The following LACC1 variants were observed in gnomAD, a reference collection of about 807,000 sequenced individuals.
LACC1 encodes laccase domain multifunctional purine nucleosidase 1.
A neutral mutation model predicts 34.8 loss-of-function variants in LACC1; 25 were observed. The ratio of observed to expected loss-of-function variants is 0.72; its 90% CI spans 0.52 to 1.00. LACC1 has a LOEUF of 1.00. Among genes scored for constraint, LACC1 ranks in the 50% least tolerant of loss-of-function variants. LACC1 has a pLI of 0.00. For missense variants in LACC1, 426 were observed against 511.2 expected (o/e 0.83, Z 1.61); for synonymous variants, 162 against 168.0 (o/e 0.96, Z 0.28).
At chr13:43,880,582 A>G (rs1954962304) in intron 1 of LACC1, among the ~76,000 whole-genome samples, 1 of 152,224 alleles carries the variant, frequency 6.6e-6, no homozygotes, top group Non-Finnish European at 1.5e-5. Context: ...GAGACCTAAT[A>G]TGACAATCAT....
chr13:43,883,550 T>G (rs1272909391), intron 3 of LACC1, among the ~76,000 whole-genome samples: 1 of 147,726 alleles, frequency 6.8e-6, no homozygotes, highest in Non-Finnish European at 1.5e-5. Flanking sequence ...AAACTCTGCT[T>G]TTCTTTGCAT....
intron 3 of LACC1, among the ~76,000 whole-genome samples, chr13:43,883,351 A>C (rs1000256501): frequency 7.2e-5 from 11 of 152,342 alleles, no homozygotes; most frequent in Admixed American, 1.3e-4. Context: ...ATAGTTGATG[A>C]GATAATGTCT....
chr13:43,883,153 G>T (rs1955155000), intron 3 of LACC1, among the ~76,000 whole-genome samples: 1 of 152,164 alleles, frequency 6.6e-6, no homozygotes, highest in African/African-American at 2.4e-5. Flanking sequence ...ATAATGAAAT[G>T]ATGTGGAATA....
intron 5 of LACC1, among the ~76,000 whole-genome samples, chr13:43,889,260 A>G (rs1955464912): frequency 6.6e-6 from 1 of 152,314 alleles, no homozygotes; most frequent in African/African-American, 2.4e-5. Flanking sequence ...TAAACTTCAT[A>G]TAGAAAAGTT....
intron 4 of LACC1, among the ~76,000 whole-genome samples, chr13:43,888,337 C>T (rs1202172578): frequency 6.6e-6 from 1 of 152,072 alleles, no homozygotes; most frequent in African/African-American, 2.4e-5. Context: ...GTAGAGTTTC[C>T]ATTTTATCAA....
Position 43,891,730 on chromosome 13 carries a change from G to A in LACC1, c.*283G>A. 4.5e-6 allele frequency: 1 copy of A among 224,354 alleles called. No homozygotes were observed. The highest frequency in any genetic ancestry group is 7.5e-6 in the Non-Finnish European group (1 of 134,170). 13.9% of individuals were successfully genotyped at this position (224,354 alleles called of 1,614,324 possible). ...CACAGATCAGGAATAGATTTGTTCA[G>A]TTCAGTATTTATTGGATACCCTCTA... On this transcript the variant is annotated 3_prime_UTR_variant, in exon 7 of 7. Coordinates refer to ENST00000325686, the MANE Select transcript of LACC1 (RefSeq NM_153218.4).
intron 6 of LACC1, 144 bp downstream of exon 6, chr13:43,890,418 C>A: frequency 1.6e-6 from 1 of 632,080 alleles, no homozygotes; most frequent in Non-Finnish European, 2.6e-6. Context: ...AACTTTACTC[C>A]TTTATTCCTA....
chr13:43,880,822 G>A (rs925582476), intron 1 of LACC1, 130 bp from the exon 2 acceptor site: 1 of 614,114 alleles, frequency 1.6e-6, no homozygotes, highest in Non-Finnish European at 2.8e-6. Context: ...TTCTGGGAGG[G>A]GCCTAGATTT....
intron 3 of LACC1, among the ~76,000 whole-genome samples, chr13:43,883,141 T>C (rs928966645): frequency 1.3e-5 from 2 of 152,202 alleles, no homozygotes; most frequent in African/African-American, 4.8e-5. Context: ...TTCATTAACA[T>C]TATAATGAAA....
chr13:43,879,867 G>C (rs950096886), upstream of LACC1: 1 of 153,378 alleles, frequency 6.5e-6, no homozygotes, highest in Non-Finnish European at 1.5e-5. Context: ...GCGCTGGGCC[G>C]AGCTTACGAC....
At chr13:43,890,824 G>A (rs1955539560) in intron 6 of LACC1, among the ~76,000 whole-genome samples, 1 of 152,204 alleles carries the variant, frequency 6.6e-6, no homozygotes, top group Admixed American at 6.5e-5. Context: ...TAAAATGACA[G>A]TAAGTAGTTT....
chr13:43,887,281 C>T (rs1955375836), intron 4 of LACC1, among the ~76,000 whole-genome samples: 1 of 152,184 alleles, frequency 6.6e-6, no homozygotes, highest in Non-Finnish European at 1.5e-5. Context: ...TTCTTGCTTT[C>T]ATCATCTCCT....
Position 43,888,986 on chromosome 13 carries a change from TG to T in LACC1, c.1133+5del. Reference sequence around the variant, plus strand: ...TCGACATCCGTAAAGCCACAAGGTATGTCTGATTTCATTCAACTGCAAGTTT... The same window carrying T: ...TCGACATCCGTAAAGCCACAAGGTATTCTGATTTCATTCAACTGCAAGTTT... On this transcript the variant is annotated splice_donor_5th_base_variant and intron_variant, in intron 5 of 6. Coordinates refer to ENST00000325686, the MANE Select transcript of LACC1 (RefSeq NM_153218.4). The T allele has an allele frequency of 1.2e-6, 2 of 1,601,668 alleles. No individual in the cohort carries two copies. The highest frequency in any genetic ancestry group is 1.7e-6 in the Non-Finnish European group (2 of 1,168,962).
At chr13:43,889,575 C>T (rs1288003159) in intron 5 of LACC1, among the ~76,000 whole-genome samples, 2 of 152,130 alleles carry the variant, frequency 1.3e-5, no homozygotes, top group African/African-American at 4.8e-5. Context: ...AAACTTTACC[C>T]AGAGTCTGCC....
intron 4 of LACC1, 35 bp downstream of exon 4, chr13:43,883,971 T>C (rs1399238439): frequency 2.0e-5 from 32 of 1,571,214 alleles, no homozygotes; most frequent in Non-Finnish European, 2.7e-5. Flanking sequence ...AGAATTTTAC[T>C]CATTTTGTTG....
chr13:43,891,410 C>A, intron 6 of LACC1, 39 bp from the exon 7 acceptor site: 1 of 937,474 alleles, frequency 1.1e-6, no homozygotes, highest in Non-Finnish European at 1.3e-6. Context: ...CTAATAACAC[C>A]AGTAAGCGTC....
rs1955030207 is a variant in LACC1, at chr13:43,881,358, G to A, written c.373G>A (p.Asp125Asn). ...AGCTTTTATTGATCAACTCTTCACT[G>A]ATGTTTACAATTTTGAATTTGAAGA... ...MKAFIDQLFT[D>N]VYNFEFEDLQ... The change falls in exon 2 of 7, where the codon GAT (aspartate) becomes AAT (asparagine). Residue 125 changes from aspartate to asparagine, a missense_variant. Around this residue, in one of 2 missense-constraint regions of LACC1, gnomAD observed 217 missense variants for 210.9 expected, o/e 1.03. Coordinates refer to ENST00000325686, the MANE Select transcript of LACC1 (RefSeq NM_153218.4). The A allele has an allele frequency of 1.9e-6, 3 of 1,613,942 alleles. No homozygotes were observed. The African/African-American group carries it at 4.0e-5, about 22-fold the overall frequency.
At chr13:43,889,561 G>A (rs9525868) in intron 5 of LACC1, among the ~76,000 whole-genome samples, 135,003 of 152,198 alleles carry the variant, frequency 0.89, 60,766 homozygotes, top group South Asian at 0.99. Context: ...TATTCCAGTC[G>A]CCAAAACTTT....
Position 43,893,176 on chromosome 13 carries a change from G to C in LACC1, c.*1729G>C, listed in dbSNP as rs1401292183. ...ACATATATTTCCTACATGTATATGT[G>C]GTAGCATGATAGCAAATAACATTTG... On this transcript the variant is annotated 3_prime_UTR_variant, in exon 7 of 7. Coordinates refer to ENST00000325686, the MANE Select transcript of LACC1 (RefSeq NM_153218.4). 1 of 151,942 alleles carries C rather than the reference G, an allele frequency of 6.6e-6. No individual in the cohort carries two copies. The highest frequency in any genetic ancestry group is 1.5e-5 in the Non-Finnish European group (1 of 67,874). 9.4% of individuals were successfully genotyped at this position (151,942 alleles called of 1,614,324 possible). A position where few individuals can be genotyped will look rare whatever the true frequency, so the allele number is the denominator to read the frequency against.
Sources: gnomAD v4.1 joint callset for allele counts (sites outside exome capture counted in the v4.1 genomes callset) on GRCh38, gnomAD v4.1.1 for gene constraint, gnomAD v4.1.1 regional missense constraint, MANE v1.5 for transcripts, NCBI Gene and HGNC (gene_info 2026-07-23, HGNC 2026-07-21) for gene names.